Variants in PSTPIP2 observed in about 807,000 individuals in gnomAD.
PSTPIP2 encodes the protein proline-serine-threonine phosphatase interacting protein 2.
Under a neutral mutation model 63.3 loss-of-function variants are expected in PSTPIP2, and 33 were observed. The observed-to-expected ratio is 0.52, with a 90% CI of 0.40 to 0.70. The LOEUF is 0.70. PSTPIP2 is among the 30% of genes least tolerant of loss of function. The pLI, the probability that PSTPIP2 is intolerant of heterozygous loss-of-function variation, is 0.00. For synonymous variants in PSTPIP2, 125 were observed against 132.7 expected, an observed-to-expected ratio of 0.94 and a Z score of 0.40; for missense variants, 312 against 400.7, an observed-to-expected ratio of 0.78 and a Z score of 1.89.
At chr18:46,044,631 T>C (rs1231717327) in intron 1 of PSTPIP2, among the ~76,000 whole-genome samples, 1 of 151,966 alleles carries the variant, frequency 6.6e-6, no homozygotes. Flanking sequence ...CTAAAAACAA[T>C]GGCAACAAAA....
chr18:46,057,890 C>T (rs901356059), intron 1 of PSTPIP2, among the ~76,000 whole-genome samples: 18 of 150,012 alleles, frequency 1.2e-4, no homozygotes, highest in Non-Finnish European at 2.5e-4. Flanking sequence ...CCCAGCTACT[C>T]GGGAGGCTGA....
At chr18:46,024,392 C>A (rs1348378398) in intron 3 of PSTPIP2, among the ~76,000 whole-genome samples, 5 of 152,104 alleles carry the variant, frequency 3.3e-5, no homozygotes, top group Non-Finnish European at 7.4e-5. Context: ...CCTGCCTCGG[C>A]CTCCCAAAGT....
At chr18:46,059,032 TTTTC>T (rs1908886587) in intron 1 of PSTPIP2, among the ~76,000 whole-genome samples, 1 of 125,600 alleles carries the variant, frequency 8.0e-6, no homozygotes, top group Non-Finnish European at 1.7e-5. Flanking sequence ...TTTTTTCTTT[TTTTC>T]TTTTTCTTTT....
intron 1 of PSTPIP2, among the ~76,000 whole-genome samples, chr18:46,050,820 C>T (rs568778232): frequency 6.6e-6 from 1 of 151,794 alleles, no homozygotes; most frequent in Admixed American, 6.6e-5. Flanking sequence ...AAGGGACACA[C>T]CATACATGTA....
chr18:46,025,125 T>G (rs759240169), intron 2 of PSTPIP2, among the ~76,000 whole-genome samples: 38 of 152,116 alleles, frequency 2.5e-4, no homozygotes, highest in Non-Finnish European at 2.9e-5. Context: ...AAACACTGAT[T>G]GTTACTCAGC....
Position 45,991,942 on chromosome 18 carries a change from C to T in PSTPIP2, c.880G>A (p.Ala294Thr). The T allele has an allele frequency of 6.2e-7, 1 of 1,613,796 alleles. No individual in the cohort carries two copies. The highest frequency in any genetic ancestry group is 8.5e-7 in the Non-Finnish European group (1 of 1,179,672). The change falls in exon 12 of 15, where the codon GCA becomes ACA. Residue 294 changes from alanine to threonine, a missense_variant. Transcript: ENST00000409746. The stretch of plus-strand genomic sequence containing the variant: ...CCTGTAGCCTTTCCTGCTGGGACTG[C>T]ATTCTTCTGGGAGGAGTAGAAATTC... ...YENFYSSQKN[A>T]VPAGKATGPN...
intron 1 of PSTPIP2, among the ~76,000 whole-genome samples, chr18:46,071,868 G>T (rs1032197926): frequency 1.2e-4 from 18 of 152,374 alleles, no homozygotes; most frequent in Non-Finnish European, 2.5e-4. Flanking sequence ...GCTGCTGGGG[G>T]CGCGGGCGGC....
chr18:46,055,208 G>C (rs1210474128), intron 1 of PSTPIP2, among the ~76,000 whole-genome samples: 3 of 152,114 alleles, frequency 2.0e-5, no homozygotes, highest in African/African-American at 7.2e-5. Flanking sequence ...TCTCCATGGA[G>C]AAGTCCTCTA....
intron 1 of PSTPIP2, 30 bp downstream of exon 1, chr18:46,072,126 C>T: frequency 6.5e-7 from 1 of 1,527,602 alleles, no homozygotes; most frequent in Non-Finnish European, 8.8e-7. Flanking sequence ...GTCCTGAGCC[C>T]CGCGATCCGC....
intron 5 of PSTPIP2, among the ~76,000 whole-genome samples, chr18:46,008,129 T>C (rs2051750916): frequency 1.3e-5 from 2 of 152,160 alleles, no homozygotes; most frequent in Non-Finnish European, 2.9e-5. Flanking sequence ...GATTGGGTTT[T>C]ATTACTGATA....
chr18:46,071,751 C>A (rs530257258), intron 1 of PSTPIP2, among the ~76,000 whole-genome samples: 62 of 152,360 alleles, frequency 4.1e-4, no homozygotes, highest in African/African-American at 1.4e-3. Flanking sequence ...CAGAGACTCT[C>A]CCCGGACGGG....
At chr18:46,044,142 A>AAG (rs1908294291) in intron 1 of PSTPIP2, among the ~76,000 whole-genome samples, 1 of 152,218 alleles carries the variant, frequency 6.6e-6, no homozygotes, top group African/African-American at 2.4e-5. Context: ...GTCAGACCTA[A>AAG]AATTTATAAA....
chr18:46,032,378 CT>C (rs1907814820), intron 2 of PSTPIP2, among the ~76,000 whole-genome samples: 1 of 152,176 alleles, frequency 6.6e-6, no homozygotes, highest in African/African-American at 2.4e-5. Context: ...CAAAGCTCTC[CT>C]TAAAAACCCC....
chr18:46,065,181 A>G (rs1235583334), intron 1 of PSTPIP2, among the ~76,000 whole-genome samples: 1 of 151,538 alleles, frequency 6.6e-6, no homozygotes, highest in Non-Finnish European at 1.5e-5. Context: ...AAAAGAAAAG[A>G]AAACTCTAGA....
intron 2 of PSTPIP2, among the ~76,000 whole-genome samples, chr18:46,027,278 A>G (rs1254867557): frequency 6.6e-6 from 1 of 151,428 alleles, no homozygotes; most frequent in African/African-American, 2.4e-5. Context: ...CTGGGCGACA[A>G]GAGCAAAACT....
At position 46,058,924 on chromosome 18, in the gene PSTPIP2, G is replaced by A. The variant is rs114621673; in HGVS notation, c.33+13232C>T. Among the ~76,000 whole-genome samples the A allele has an allele frequency of 3.4e-3, 516 of 152,274 alleles. 4 individuals carry two copies. The highest frequency in any genetic ancestry group is 0.012 in the African/African-American group (492 of 41,566). On this transcript the variant is annotated intron_variant, in intron 1 of 14. Transcript: ENST00000409746. ...CTGGTCCACTTCCATCTGGGTTTGG[G>A]TACAAGTTGCAGGTTTGGTATTTTT...
At chr18:46,000,117 C>A (rs896750434) in intron 6 of PSTPIP2, among the ~76,000 whole-genome samples, 1 of 151,988 alleles carries the variant, frequency 6.6e-6, no homozygotes, top group Non-Finnish European at 1.5e-5. Flanking sequence ...CCAGCCTGGG[C>A]GAAAGGGTGA....
At chr18:46,028,308 G>C in intron 2 of PSTPIP2, 1 of 464,706 alleles carries the variant, frequency 2.2e-6, no homozygotes, top group Non-Finnish European at 4.2e-6. Context: ...CCGGAACGAG[G>C]GCGGACTGGA....
intron 4 of PSTPIP2, 44 bp downstream of exon 4, chr18:46,015,859 T>A: frequency 1.3e-6 from 2 of 1,579,438 alleles, no homozygotes; most frequent in South Asian, 2.3e-5. Context: ...ACACAGGGCT[T>A]GTCAAGGGCA....
Sources: gnomAD v4.1 joint callset for allele counts (sites outside exome capture counted in the v4.1 genomes callset) on GRCh38, gnomAD v4.1.1 for gene constraint, MANE v1.5 for transcripts, NCBI Gene and HGNC (gene_info 2026-07-23, HGNC 2026-07-21) for gene names.